The following NPAS2 variants were observed in gnomAD, a reference collection of about 807,000 sequenced individuals.
NPAS2 encodes the protein neuronal PAS domain protein 2, also known as neuronal PAS domain-containing protein 2.
Under a neutral mutation model 107.5 loss-of-function variants are expected in NPAS2, and 23 were observed. That is an observed-to-expected ratio of 0.21 (90% CI 0.15 to 0.30). The LOEUF is 0.30. Among genes scored for constraint, NPAS2 ranks in the 10% least tolerant of loss-of-function variants. NPAS2 has a pLI of 1.00. For missense variants in NPAS2, 756 were observed against 1,043.3 expected (o/e 0.72, Z 3.79); for synonymous variants, 403 against 417.5 (o/e 0.97, Z 0.42).
intron 7 of NPAS2, among the ~76,000 whole-genome samples, chr2:100,958,512 C>T (rs962762033): frequency 1.3e-5 from 2 of 152,138 alleles, no homozygotes; most frequent in East Asian, 1.9e-4. Context: ...AGAATCAGGC[C>T]GTCCTTCCCC....
At chr2:100,990,053 T>G in intron 17 of NPAS2, 1 of 590,394 alleles carries the variant, frequency 1.7e-6, no homozygotes, top group Non-Finnish European at 3.0e-6. Flanking sequence ...CTGCCTAGAG[T>G]CCGGCACTGT....
At chr2:100,959,069 A>G (rs1052764060) in intron 7 of NPAS2, among the ~76,000 whole-genome samples, 5 of 139,044 alleles carry the variant, frequency 3.6e-5, no homozygotes, top group Admixed American at 8.4e-5. Context: ...CCTGGGCAAC[A>G]TGGTGAAACC....
chr2:100,932,861 A>G, intron 3 of NPAS2, 49 bp from the exon 4 acceptor site: 1 of 1,303,254 alleles, frequency 7.7e-7, no homozygotes. Context: ...GTTAATTCCA[A>G]TTTCTAGGTG....
chr2:100,830,067 G>A, intron 1 of NPAS2, among the ~76,000 whole-genome samples: 1 of 152,156 alleles, frequency 6.6e-6, no homozygotes, highest in East Asian at 1.9e-4. Flanking sequence ...GACTTCCTGG[G>A]GACATCATGA....
chr2:100,830,505 T>A (rs1199954763), intron 1 of NPAS2, among the ~76,000 whole-genome samples: 1 of 137,166 alleles, frequency 7.3e-6, no homozygotes, highest in South Asian at 2.7e-4. Context: ...TGGTGTGTGA[T>A]GTTCCCTGCC....
chr2:100,853,994 C>T lies in NPAS2; in HGVS notation c.-23+33580C>T, dbSNP rs544050328. Among the ~76,000 whole-genome samples the T allele has an allele frequency of 2.1e-5, 3 of 141,098 alleles. No homozygotes were observed. The South Asian group carries it at 6.9e-4, about 32-fold the overall frequency. 92.6% of individuals were successfully genotyped at this position (141,098 alleles called of 152,430 possible). ...CACGACAAAAAAAAAAAAAAAAACA[C>T]AAAAAATTAGCAGGGCGTGGTGACA... is the stretch of plus-strand genomic sequence containing the variant. On this transcript the variant is annotated intron_variant, in intron 1 of 20. Coordinates refer to ENST00000335681, the MANE Select transcript of NPAS2 (RefSeq NM_002518.4).
intron 11 of NPAS2, 27 bp from the exon 12 acceptor site, chr2:100,970,963 A>G (rs1192515204): frequency 6.2e-7 from 1 of 1,608,100 alleles, no homozygotes; most frequent in Non-Finnish European, 8.5e-7. Context: ...CCCCATCTCC[A>G]CTGTGGTCTC....
chr2:100,841,799 C>G (rs542510394), intron 1 of NPAS2, among the ~76,000 whole-genome samples: 13 of 152,286 alleles, frequency 8.5e-5, no homozygotes, highest in Non-Finnish European at 7.3e-5. Flanking sequence ...CACGCATGCA[C>G]AAATACATGT....
intron 2 of NPAS2, among the ~76,000 whole-genome samples, chr2:100,920,971 G>A (rs1683189425): frequency 6.6e-6 from 1 of 152,194 alleles, no homozygotes; most frequent in South Asian, 2.1e-4. Flanking sequence ...TCCCCAACGG[G>A]GAACACAAAC....
chr2:100,887,597 A>G (rs1573548077), intron 1 of NPAS2, among the ~76,000 whole-genome samples: 1 of 152,206 alleles, frequency 6.6e-6, no homozygotes, highest in East Asian at 1.9e-4. Context: ...AGCACCATAC[A>G]GACATGAATT....
At chr2:100,893,330 A>C (rs1287048754) in intron 1 of NPAS2, among the ~76,000 whole-genome samples, 1 of 152,140 alleles carries the variant, frequency 6.6e-6, no homozygotes, top group Non-Finnish European at 1.5e-5. Flanking sequence ...AACCCCCATC[A>C]ATTGGGGAGA....
In NPAS2 at chr2:100,995,943, T is replaced by G; in HGVS notation, c.*361T>G. On this transcript the variant is annotated 3_prime_UTR_variant, in exon 21 of 21. Coordinates refer to ENST00000335681, the MANE Select transcript of NPAS2 (RefSeq NM_002518.4). ...TCTAGCCACCTGCGGCCCGCCCATCTGCGCTAGCTGGCCTTCACGCTCTTG... is the reference window on the plus strand; with the variant it reads ...TCTAGCCACCTGCGGCCCGCCCATCGGCGCTAGCTGGCCTTCACGCTCTTG... 1 of 1,372,300 alleles carries G rather than the reference T, an allele frequency of 7.3e-7. No individual in the cohort carries two copies. The highest frequency in any genetic ancestry group is 9.6e-7 in the Non-Finnish European group (1 of 1,042,212). The allele number at this position is 1,372,300 out of a possible 1,614,324, so 85.0% of individuals were successfully genotyped here. A position where few individuals can be genotyped will look rare whatever the true frequency, so the allele number is the denominator to read the frequency against.
chr2:100,970,985 T>C lies in NPAS2; in HGVS notation c.1056-5T>C. On this transcript the variant is annotated splice_region_variant and splice_polypyrimidine_tract_variant and intron_variant, in intron 11 of 20. Transcript: ENST00000335681. ...TCCACTGTGGTCTCTTAATTTCCTG[T>C]ACAGTTACGCAGATGTCCGGGTGGA... is the stretch of plus-strand genomic sequence containing the variant. 3 of 1,613,762 alleles carry C rather than the reference T, an allele frequency of 1.9e-6. No individual in the cohort carries two copies. Among genetic ancestry groups the C allele is most frequent in the Non-Finnish European group, 2.5e-6 (3 of 1,179,796 alleles).
intron 1 of NPAS2, among the ~76,000 whole-genome samples, chr2:100,866,871 CTCTT>C (rs1265138407): frequency 6.6e-6 from 1 of 152,182 alleles, no homozygotes; most frequent in African/African-American, 2.4e-5. Flanking sequence ...AGCTTCTATA[CTCTT>C]TCTAATTTGC....
chr2:100,930,739 ACC>A (rs1287813981), intron 3 of NPAS2, among the ~76,000 whole-genome samples: 1 of 152,320 alleles, frequency 6.6e-6, no homozygotes, highest in Non-Finnish European at 1.5e-5. Context: ...TTAACAAAAT[ACC>A]CAGTCATACA....
chr2:100,899,994 A>C (rs1241143581), intron 1 of NPAS2, among the ~76,000 whole-genome samples: 3 of 152,204 alleles, frequency 2.0e-5, no homozygotes, highest in Non-Finnish European at 4.4e-5. Context: ...AAGCTAAGTG[A>C]TGAAGCTTCT....
intron 1 of NPAS2, among the ~76,000 whole-genome samples, chr2:100,842,077 A>ACGCGCGCGCGTGCGCGCACGCG (rs1553441809): frequency 2.2e-5 from 2 of 92,366 alleles, no homozygotes; most frequent in African/African-American, 7.8e-5. Context: ...GTGTGCATGT[A>ACGCGCGCGCGTGCGCGCACGCG]CGCGCACACA....
At chr2:100,882,600 G>C (rs1462034129) in intron 1 of NPAS2, among the ~76,000 whole-genome samples, 1 of 151,928 alleles carries the variant, frequency 6.6e-6, no homozygotes, top group Non-Finnish European at 1.5e-5. Context: ...GAGACAGAGC[G>C]AGACTCCGTC....
intron 1 of NPAS2, among the ~76,000 whole-genome samples, chr2:100,903,358 T>C (rs556777672): frequency 1.3e-5 from 2 of 152,346 alleles, no homozygotes; most frequent in African/African-American, 4.8e-5. Flanking sequence ...ATACAGGCTT[T>C]AACTTCTAAG....
Sources: gnomAD v4.1 joint callset for allele counts (sites outside exome capture counted in the v4.1 genomes callset) on GRCh38, gnomAD v4.1.1 for gene constraint, MANE v1.5 for transcripts, NCBI Gene and HGNC (gene_info 2026-07-23, HGNC 2026-07-21) for gene names.